The following CELF1 variants were observed in gnomAD, a reference collection of about 807,000 sequenced individuals.
CELF1 encodes the protein 50 kDa nuclear polyadenylated RNA-binding protein.
CELF1 carries 10 observed loss-of-function variants against 61.8 expected under a neutral mutation model. That is an observed-to-expected ratio of 0.16 (90% CI 0.10 to 0.27). The LOEUF (loss-of-function observed/expected upper bound fraction) is 0.27, where lower values mean the gene tolerates loss of function less well. Among genes scored for constraint, CELF1 ranks in the 10% least tolerant of loss-of-function variants. The pLI is 1.00. For synonymous variants in CELF1, 236 were observed against 225.1 expected, an observed-to-expected ratio of 1.05 and a Z score of -0.43; for missense variants, 380 against 639.1, an observed-to-expected ratio of 0.59 and a Z score of 4.37.
upstream of CELF1, among the ~76,000 whole-genome samples, chr11:47,554,017 T>C (rs1565918693): frequency 2.0e-5 from 3 of 152,204 alleles, no homozygotes; most frequent in Admixed American, 6.6e-5. Flanking sequence ...CTGGAAGCTT[T>C]TGGCCCCATC....
intron 1 of CELF1, chr11:47,514,000 C>G (rs1047432088): frequency 1.3e-5 from 2 of 151,214 alleles, no homozygotes; most frequent in Non-Finnish European, 2.9e-5. Flanking sequence ...ATGATCTCAG[C>G]TCACTGCAGC....
intron 8 of CELF1, 62 bp downstream of exon 8, chr11:47,483,391 T>C (rs2084654128): frequency 3.8e-6 from 5 of 1,318,132 alleles, no homozygotes; most frequent in Admixed American, 1.7e-5. Context: ...TGGACTTTAA[T>C]GGCCAACTGT....
At chr11:47,506,335 G>A (rs1028347236) in intron 1 of CELF1, among the ~76,000 whole-genome samples, 1 of 151,430 alleles carries the variant, frequency 6.6e-6, no homozygotes, top group Non-Finnish European at 1.5e-5. Context: ...GCTGAGCCAG[G>A]AGAATTGCTT....
At chr11:47,539,304 C>G (rs1385502645) in intron 1 of CELF1, among the ~76,000 whole-genome samples, 6 of 152,132 alleles carry the variant, frequency 3.9e-5, no homozygotes, top group Non-Finnish European at 8.8e-5. Flanking sequence ...CTGAAGGAGT[C>G]AAGACCTCCA....
intron 1 of CELF1, among the ~76,000 whole-genome samples, chr11:47,525,419 C>T (rs2096187489): frequency 6.6e-6 from 1 of 152,178 alleles, no homozygotes; most frequent in Admixed American, 6.6e-5. Context: ...GGCTGATTGG[C>T]TCAAATGATT....
Position 47,471,810 on chromosome 11 carries a change from C to T in CELF1, c.*420G>A. On this transcript the variant is annotated 3_prime_UTR_variant, in exon 15 of 15. Transcript: ENST00000687097. ...TTCTGGGGGTCACTTTTTTGTTCCA[C>T]TCAGTCCTCTCTCTTGGGGTGGTTT... is the stretch of plus-strand genomic sequence containing the variant. 6.2e-6 allele frequency: 1 copy of T among 160,604 alleles called. No individual in the cohort carries two copies. The highest frequency in any genetic ancestry group is 1.8e-4 in the South Asian group (1 of 5,660). 9.9% of individuals were successfully genotyped at this position (160,604 alleles called of 1,614,324 possible).
intron 9 of CELF1, chr11:47,482,477 C>T (rs1223188962): frequency 2.8e-6 from 1 of 362,048 alleles, no homozygotes; most frequent in Non-Finnish European, 4.9e-6. Flanking sequence ...GCAGCAAAAG[C>T]CTCAAGATAT....
At position 47,486,791 on chromosome 11, in the gene CELF1, T is replaced by A; in HGVS notation, c.350A>T (p.His117Leu). The stretch of plus-strand genomic sequence containing the variant: ...GTCAGCAGGTTTCATCTGTATAGGG[T>A]GATGCATCTGAAAAGGAAAAATATG... ...HNMKVLPGMH[H>L]PIQMKPADSE... The change falls in exon 6 of 15, where the codon CAC (histidine) becomes CTC (leucine). Residue 117 changes from histidine (H) to leucine (L), a missense_variant. Transcript: ENST00000687097. 2 of 1,609,528 alleles carry A rather than the reference T, an allele frequency of 1.2e-6. No individual in the cohort carries two copies. The highest frequency in any genetic ancestry group is 1.7e-6 in the Non-Finnish European group (2 of 1,175,836).
intron 1 of CELF1, among the ~76,000 whole-genome samples, chr11:47,551,244 A>T (rs183761482): frequency 6.6e-6 from 1 of 152,304 alleles, no homozygotes; most frequent in East Asian, 1.9e-4. Context: ...ATGGTTGAAT[A>T]GAAGTTGAGG....
chr11:47,549,052 T>C (rs922955395), intron 1 of CELF1, among the ~76,000 whole-genome samples: 2 of 151,580 alleles, frequency 1.3e-5, no homozygotes, highest in Non-Finnish European at 2.9e-5. Flanking sequence ...GAAATACAAA[T>C]CAAAACTACC....
At chr11:47,495,437 GTTTCT>G (rs1414880963) in intron 3 of CELF1, among the ~76,000 whole-genome samples, 1 of 152,160 alleles carries the variant, frequency 6.6e-6, no homozygotes, top group Non-Finnish European at 1.5e-5. Flanking sequence ...TGGGTACAGG[GTTTCT>G]TTTAAGGGTG....
rs552755515 is a variant in CELF1, at chr11:47,480,113, G to A, written c.769-1161C>T. ...ACTTTTTTTTTTTTTTTTTTGAGAC[G>A]GAGTCTCGCTCTGTCGCCAGGCTGG... On this transcript the variant is annotated intron_variant, in intron 9 of 14. Transcript: ENST00000687097. Among the ~76,000 whole-genome samples the A allele has an allele frequency of 2.7e-4, 39 of 144,070 alleles. No individual in the cohort carries two copies. In the South Asian group the frequency reaches 5.2e-3, roughly 19 times the overall value. The allele number at this position is 144,070 out of a possible 152,430, so 94.5% of individuals were successfully genotyped here.
At chr11:47,483,324 T>C (rs78125858) in intron 8 of CELF1, 129 bp downstream of exon 8, 1 of 722,316 alleles carries the variant, frequency 1.4e-6, no homozygotes, top group East Asian at 2.5e-5. Flanking sequence ...CAGTGGTTTT[T>C]AACTTTAAGA....
chr11:47,550,937 GCAAGCATTA>G (rs1172041456), intron 1 of CELF1, among the ~76,000 whole-genome samples: 1 of 151,938 alleles, frequency 6.6e-6, no homozygotes, highest in African/African-American at 2.4e-5. Flanking sequence ...AAATGACAGA[GCAAGCATTA>G]CAATCCAGGC....
chr11:47,470,978 A>G lies in CELF1; in HGVS notation c.*1252T>C, dbSNP rs2077570968. 6.6e-6 allele frequency: 1 copy of G among 152,224 alleles called. No homozygotes were observed. Among genetic ancestry groups the G allele is most frequent in the Admixed American group, 6.5e-5 (1 of 15,278 alleles). 9.4% of individuals were successfully genotyped at this position (152,224 alleles called of 1,614,324 possible). ...GTAAATGAACACTCAATTCATGTGGAGGCTGTAAACGTCCTGATGTCACCT... is the reference window on the plus strand; with the variant it reads ...GTAAATGAACACTCAATTCATGTGGGGGCTGTAAACGTCCTGATGTCACCT... On this transcript the variant is annotated 3_prime_UTR_variant, in exon 15 of 15. Coordinates refer to ENST00000687097, the MANE Select transcript of CELF1 (RefSeq NM_001376376.1).
intron 1 of CELF1, among the ~76,000 whole-genome samples, chr11:47,529,777 C>T (rs992488611): frequency 2.6e-5 from 4 of 151,792 alleles, no homozygotes; most frequent in South Asian, 2.1e-4. Flanking sequence ...TCCAAGATCA[C>T]GCCACTGCTC....
chr11:47,533,266 C>T (rs1185374602), intron 1 of CELF1, among the ~76,000 whole-genome samples: 2 of 152,118 alleles, frequency 1.3e-5, no homozygotes, highest in African/African-American at 4.8e-5. Context: ...GCGGGGGGAT[C>T]ACTTGAGGTC....
At chr11:47,549,539 G>C (rs2097079160) in intron 1 of CELF1, among the ~76,000 whole-genome samples, 1 of 152,070 alleles carries the variant, frequency 6.6e-6, no homozygotes, top group African/African-American at 2.4e-5. Context: ...TGAGTCTTGA[G>C]GACATTACAC....
chr11:47,476,307 C>T (rs1411262440), intron 12 of CELF1, among the ~76,000 whole-genome samples: 1 of 152,186 alleles, frequency 6.6e-6, no homozygotes, highest in Non-Finnish European at 1.5e-5. Flanking sequence ...TAATTTTTAA[C>T]AATCCTTCAA....
Sources: allele counts gnomAD v4.1 joint callset (sites outside exome capture counted in the v4.1 genomes callset), GRCh38; gene constraint gnomAD v4.1.1; transcripts MANE v1.5; gene names NCBI Gene and HGNC (gene_info 2026-07-23, HGNC 2026-07-21).